Variants in ADCY8 observed in about 807,000 individuals in gnomAD.
ADCY8 encodes adenylate cyclase type 8.
ADCY8 carries 51 observed loss-of-function variants against 119.7 expected under a neutral mutation model. That is an observed-to-expected ratio of 0.43 (90% confidence interval 0.34 to 0.54). The LOEUF (loss-of-function observed/expected upper bound fraction) is 0.54, where lower values mean the gene tolerates loss of function less well. Among genes scored for constraint, ADCY8 ranks in the 20% least tolerant of loss-of-function variants. ADCY8 has a pLI of 0.03. For missense variants in ADCY8, 1,383 were observed against 1,598.8 expected (o/e 0.87, Z 2.30); for synonymous variants, 665 against 651.0 (o/e 1.02, Z -0.33).
At chr8:131,028,184 G>A (rs1823879531) in intron 1 of ADCY8, among the ~76,000 whole-genome samples, 1 of 152,208 alleles carries the variant, frequency 6.6e-6, no homozygotes, top group South Asian at 2.1e-4. Context: ...GCAAAAACAG[G>A]AGGAGAATTT....
chr8:130,855,053 C>T (rs1325552286), intron 9 of ADCY8, among the ~76,000 whole-genome samples: 2 of 151,324 alleles, frequency 1.3e-5, no homozygotes, highest in Non-Finnish European at 2.9e-5. Flanking sequence ...TGGAGAGGAA[C>T]ATCTGTGGGC....
intron 8 of ADCY8, among the ~76,000 whole-genome samples, chr8:130,869,012 C>A (rs908450957): frequency 2.0e-5 from 3 of 152,110 alleles, no homozygotes; most frequent in African/African-American, 7.2e-5. Context: ...GATTTTTATT[C>A]TTTTCTGACT....
chr8:130,994,283 A>T (rs1304504908), intron 1 of ADCY8, among the ~76,000 whole-genome samples: 1 of 152,232 alleles, frequency 6.6e-6, no homozygotes, highest in Admixed American at 6.5e-5. Flanking sequence ...ATCCTTTCTT[A>T]AAATGAGTGA....
chr8:131,019,270 G>C (rs1823576151), intron 1 of ADCY8, among the ~76,000 whole-genome samples: 1 of 152,154 alleles, frequency 6.6e-6, no homozygotes, highest in African/African-American at 2.4e-5. Flanking sequence ...GATAAATTAT[G>C]TTTAATAAAA....
chr8:130,807,499 G>C (rs185181778), intron 14 of ADCY8, among the ~76,000 whole-genome samples: 1 of 152,284 alleles, frequency 6.6e-6, no homozygotes, highest in East Asian at 1.9e-4. Flanking sequence ...ATAGCATTAA[G>C]GCCCTTGTTA....
At chr8:130,819,756 C>A (rs979110353) in intron 13 of ADCY8, among the ~76,000 whole-genome samples, 24 of 150,558 alleles carry the variant, frequency 1.6e-4, no homozygotes, top group Admixed American at 1.1e-3. Context: ...AGACCCCAGT[C>A]CTCACAGATA....
At chr8:131,012,413 C>T (rs1181789298) in intron 1 of ADCY8, among the ~76,000 whole-genome samples, 1 of 152,166 alleles carries the variant, frequency 6.6e-6, no homozygotes, top group African/African-American at 2.4e-5. Flanking sequence ...GCAAAAGGGA[C>T]TGTAATTTGT....
intron 7 of ADCY8, among the ~76,000 whole-genome samples, 199 bp downstream of exon 7, chr8:130,903,573 G>A (rs1819677757): frequency 6.7e-6 from 1 of 149,946 alleles, no homozygotes; most frequent in Admixed American, 6.7e-5. Context: ...GGAACCCTCT[G>A]GCATTTCTGG....
chr8:130,978,306 T>C (rs1289254292), intron 2 of ADCY8, among the ~76,000 whole-genome samples: 2 of 152,102 alleles, frequency 1.3e-5, no homozygotes, highest in Non-Finnish European at 2.9e-5. Flanking sequence ...TAAATCTAAA[T>C]TGCAAATTCA....
rs199631888 is a variant in ADCY8, at chr8:130,780,697, C to A, written c.3449G>T (p.Arg1150Leu). 6 of 1,614,052 alleles carry A rather than the reference C, an allele frequency of 3.7e-6. No individual in the cohort carries two copies. Among genetic ancestry groups the A allele is most frequent in the Non-Finnish European group, 5.1e-6 (6 of 1,180,030 alleles). ...GATACCCTTCACATAGATCTCCCCT[C>A]GGTAATCAAAGGCAAAGCCCTGGTC... Reference protein sequence around the residue: ...LKDQGFAFDYRGEIYVKGISE... With the variant: ...LKDQGFAFDYLGEIYVKGISE... The change falls in exon 18 of 18, where the codon CGA (arginine) becomes CTA (leucine). Residue 1150 changes from arginine (R) to leucine (L), a missense_variant. Around this residue, in one of 2 missense-constraint regions of ADCY8, gnomAD observed 928 missense variants for 1,163.5 expected, o/e 0.80. Coordinates refer to ENST00000286355, the MANE Select transcript of ADCY8 (RefSeq NM_001115.3).
chr8:130,990,062 A>C (rs982499466), intron 2 of ADCY8, among the ~76,000 whole-genome samples: 5 of 152,252 alleles, frequency 3.3e-5, no homozygotes, highest in African/African-American at 1.2e-4. Context: ...ACAGTTTAAA[A>C]GAAAGAGGGT....
intron 2 of ADCY8, among the ~76,000 whole-genome samples, chr8:130,964,486 T>C (rs1821701915): frequency 6.6e-6 from 1 of 152,222 alleles, no homozygotes; most frequent in Admixed American, 6.5e-5. Context: ...AAAAGAGAGA[T>C]GCCCTTTGCA....
At chr8:130,849,542 T>A in intron 10 of ADCY8, 60 bp downstream of exon 10, 2 of 1,572,130 alleles carry the variant, frequency 1.3e-6, no homozygotes, top group Non-Finnish European at 1.7e-6. Context: ...GCAGGCTCCA[T>A]AAACTTCATG....
At chr8:130,925,223 C>A (rs759572408) in intron 5 of ADCY8, among the ~76,000 whole-genome samples, 2 of 151,716 alleles carry the variant, frequency 1.3e-5, no homozygotes, top group East Asian at 1.9e-4. Flanking sequence ...AAACAAAAAA[C>A]AAAACAAAAC....
chr8:131,007,050 T>C (rs1247308702), intron 1 of ADCY8, among the ~76,000 whole-genome samples: 1 of 144,688 alleles, frequency 6.9e-6, no homozygotes, highest in African/African-American at 2.7e-5. Context: ...TGGCAAACAG[T>C]AGGCACACAA....
intron 12 of ADCY8, among the ~76,000 whole-genome samples, chr8:130,830,528 T>TAG (rs1240217242): frequency 1.3e-5 from 2 of 152,096 alleles, no homozygotes; most frequent in African/African-American, 4.8e-5. Flanking sequence ...TCTCTCTCAA[T>TAG]AGAGAGAGAG....
chr8:130,825,678 C>G (rs1359438836), intron 12 of ADCY8, among the ~76,000 whole-genome samples: 5 of 152,182 alleles, frequency 3.3e-5, no homozygotes, highest in Non-Finnish European at 4.4e-5. Flanking sequence ...TTGTTTTCTG[C>G]AACAGTATGG....
At chr8:130,885,305 A>C (rs1223538077) in intron 7 of ADCY8, among the ~76,000 whole-genome samples, 14 of 151,928 alleles carry the variant, frequency 9.2e-5, no homozygotes. Flanking sequence ...AAGATTGCTA[A>C]ATTTTTTACT....
chr8:131,017,572 CTA>C (rs1823520646), intron 1 of ADCY8, among the ~76,000 whole-genome samples: 1 of 152,162 alleles, frequency 6.6e-6, no homozygotes, highest in South Asian at 2.1e-4. Flanking sequence ...GCACTGGGTG[CTA>C]GATGCATTAG....
Sources: allele counts gnomAD v4.1 joint callset (sites outside exome capture counted in the v4.1 genomes callset), GRCh38; gene constraint gnomAD v4.1.1; regional missense constraint gnomAD v4.1.1; transcripts MANE v1.5; gene names NCBI Gene and HGNC (gene_info 2026-07-23, HGNC 2026-07-21).